The following AP3S1 variants were observed in gnomAD, a reference collection of about 807,000 sequenced individuals.
The protein encoded by AP3S1 is AP-3 complex subunit sigma-1.
In AP3S1, 12 loss-of-function variants were observed where a neutral mutation model predicts 21.3. The observed-to-expected ratio is 0.56, with a 90% CI of 0.36 to 0.91. The LOEUF is 0.91. Among genes scored for constraint, AP3S1 ranks in the 40% least tolerant of loss-of-function variants. The pLI is 0.01. For synonymous variants in AP3S1, 48 were observed against 78.4 expected (o/e 0.61, Z 2.05); for missense variants, 116 against 225.0 (o/e 0.52, Z 3.10).
intron 1 of AP3S1, among the ~76,000 whole-genome samples, chr5:115,858,454 T>C (rs911266823): frequency 8.5e-5 from 13 of 152,206 alleles, no homozygotes; most frequent in Non-Finnish European, 1.6e-4. Context: ...ATTCCTGTTT[T>C]TTGGGCAGAG....
chr5:115,894,703 A>G (rs1157178529), intron 3 of AP3S1, among the ~76,000 whole-genome samples: 3 of 152,134 alleles, frequency 2.0e-5, no homozygotes, highest in African/African-American at 7.2e-5. Flanking sequence ...GCTGCATTAG[A>G]TATAGTAGGG....
chr5:115,847,808 A>G (rs1165913214), intron 1 of AP3S1, among the ~76,000 whole-genome samples: 2 of 152,228 alleles, frequency 1.3e-5, no homozygotes, highest in African/African-American at 4.8e-5. Flanking sequence ...CTGAAATTTT[A>G]GATTGCTTCT....
intron 4 of AP3S1, among the ~76,000 whole-genome samples, chr5:115,901,728 G>T (rs1370477047): frequency 6.6e-6 from 1 of 151,882 alleles, no homozygotes; most frequent in African/African-American, 2.4e-5. Flanking sequence ...CTAATTGTCT[G>T]CATTTTTTGT....
At chr5:115,846,422 A>G (rs1331278124) in intron 1 of AP3S1, among the ~76,000 whole-genome samples, 2 of 152,242 alleles carry the variant, frequency 1.3e-5, no homozygotes, top group Non-Finnish European at 2.9e-5. Context: ...CACACCACAC[A>G]CATATTAAGT....
intron 3 of AP3S1, among the ~76,000 whole-genome samples, chr5:115,886,993 C>G (rs900251000): frequency 6.6e-6 from 1 of 152,120 alleles, no homozygotes; most frequent in African/African-American, 2.4e-5. Context: ...GAAATCCAGT[C>G]CAGAATGCAG....
At chr5:115,861,553 T>C (rs941142237) in intron 1 of AP3S1, among the ~76,000 whole-genome samples, 6 of 152,126 alleles carry the variant, frequency 3.9e-5, no homozygotes, top group Non-Finnish European at 5.9e-5. Flanking sequence ...TAAAAAGTTA[T>C]TATTAAAAAA....
At chr5:115,902,822 G>GA (rs1479956210) in intron 4 of AP3S1, 63 bp from the exon 5 acceptor site, 1 of 1,209,340 alleles carries the variant, frequency 8.3e-7, no homozygotes, top group African/African-American at 1.6e-5. Flanking sequence ...AACAAAAAGT[G>GA]AATCATGAAA....
In AP3S1 at chr5:115,895,673, G is replaced by A. The variant is rs570544276; in HGVS notation, c.345+515G>A. On this transcript the variant is annotated intron_variant, in intron 4 of 5. Coordinates refer to ENST00000316788, the MANE Select transcript of AP3S1 (RefSeq NM_001284.4). ...TGTTTTTAAACAAGTTTTTACTGAC[G>A]TTATTATTGCTTTGTTTGTATATTT... Among the ~76,000 whole-genome samples, 14 of 152,176 alleles carry A rather than the reference G, an allele frequency of 9.2e-5. No individual in the cohort carries two copies. In the South Asian group the frequency reaches 1.2e-3, roughly 14 times the overall value.
chr5:115,900,283 T>C (rs1232753529), intron 4 of AP3S1, among the ~76,000 whole-genome samples: 1 of 152,218 alleles, frequency 6.6e-6, no homozygotes, highest in Non-Finnish European at 1.5e-5. Flanking sequence ...TTTAGTATCC[T>C]ATGGCATAAA....
intron 1 of AP3S1, among the ~76,000 whole-genome samples, chr5:115,860,135 T>G (rs1033546493): frequency 3.3e-5 from 5 of 152,216 alleles, no homozygotes; most frequent in Non-Finnish European, 7.3e-5. Flanking sequence ...GCTCATGGCT[T>G]CCATTCTCCA....
chr5:115,901,392 C>CTTTTTTTTTTTTTTTTTT (rs35793318), intron 4 of AP3S1, among the ~76,000 whole-genome samples: 1 of 111,656 alleles, frequency 9.0e-6, no homozygotes, highest in Non-Finnish European at 1.9e-5. Context: ...TGCCTATATT[C>CTTTTTTTTTTTTTTTTTT]TTTTTTTTTT....
At chr5:115,851,688 G>A (rs1321649453) in intron 1 of AP3S1, among the ~76,000 whole-genome samples, 2 of 151,856 alleles carry the variant, frequency 1.3e-5, no homozygotes, top group East Asian at 3.9e-4. Context: ...TAAGTTGTAG[G>A]AGTTTTAAAA....
At chr5:115,847,458 A>C (rs1762144764) in intron 1 of AP3S1, among the ~76,000 whole-genome samples, 1 of 152,166 alleles carries the variant, frequency 6.6e-6, no homozygotes, top group African/African-American at 2.4e-5. Flanking sequence ...TCTCTATGCC[A>C]AAAATACAAA....
intron 3 of AP3S1, among the ~76,000 whole-genome samples, chr5:115,886,361 C>T (rs1054783344): frequency 6.6e-6 from 1 of 152,106 alleles, no homozygotes; most frequent in Non-Finnish European, 1.5e-5. Flanking sequence ...TCCTCCACTT[C>T]TTCCACCTCT....
At chr5:115,894,582 G>T (rs1223810325) in intron 3 of AP3S1, among the ~76,000 whole-genome samples, 1 of 152,212 alleles carries the variant, frequency 6.6e-6, no homozygotes, top group Non-Finnish European at 1.5e-5. Flanking sequence ...GGTCATACAA[G>T]TTATTCAGTT....
intron 1 of AP3S1, among the ~76,000 whole-genome samples, chr5:115,856,800 T>C (rs1438097467): frequency 1.3e-5 from 2 of 152,148 alleles, no homozygotes; most frequent in African/African-American, 4.8e-5. Context: ...ACCAACTTAT[T>C]ATTTCTTTGT....
chr5:115,905,935 C>T (rs1266689359), intron 5 of AP3S1, among the ~76,000 whole-genome samples: 1 of 152,136 alleles, frequency 6.6e-6, no homozygotes, highest in African/African-American at 2.4e-5. Context: ...GTGATCTGCT[C>T]ACCTGAGGTC....
At chr5:115,857,246 C>A (rs976310803) in intron 1 of AP3S1, among the ~76,000 whole-genome samples, 1 of 152,094 alleles carries the variant, frequency 6.6e-6, no homozygotes, top group African/African-American at 2.4e-5. Context: ...AGATAAGGCC[C>A]AGAGGTAGTA....
In AP3S1 at chr5:115,873,216, A is replaced by T. The variant is rs116320905; in HGVS notation, c.273+3088A>T. ...TAGTTCTATCTCCAAAGGGGATTAG[A>T]TGGGGAGTTTTCAAAGAACAAACAT... On this transcript the variant is annotated intron_variant, in intron 3 of 5. Transcript: ENST00000316788. Among the ~76,000 whole-genome samples, 771 of 152,292 alleles carry T rather than the reference A, an allele frequency of 5.1e-3. 2 individuals are homozygous for T. Among genetic ancestry groups the T allele is most frequent in the South Asian group, 7.2e-3 (35 of 4,830 alleles).
Sources: gnomAD v4.1 joint callset for allele counts (sites outside exome capture counted in the v4.1 genomes callset) on GRCh38, gnomAD v4.1.1 for gene constraint, MANE v1.5 for transcripts, NCBI Gene and HGNC (gene_info 2026-07-23, HGNC 2026-07-21) for gene names.